Variants in NUP98 observed in about 807,000 individuals in gnomAD.
NUP98 encodes nuclear pore complex protein Nup98-Nup96.
NUP98 carries 26 observed loss-of-function variants against 191.9 expected under a neutral mutation model. The ratio of observed to expected loss-of-function variants is 0.14; its 90% CI spans 0.10 to 0.19. The LOEUF is 0.19. Ranked by LOEUF, NUP98 falls within the 10% of genes least tolerant of loss-of-function variation. The pLI, the probability that NUP98 is intolerant of heterozygous loss-of-function variation, is 1.00. For missense variants in NUP98, 1,941 were observed against 2,178.8 expected (o/e 0.89, Z 2.17); for synonymous variants, 808 against 778.4 (o/e 1.04, Z -0.63).
chr11:3,713,549 T>C (rs1236447896), intron 19 of NUP98, among the ~76,000 whole-genome samples: 1 of 152,148 alleles, frequency 6.6e-6, no homozygotes, highest in Non-Finnish European at 1.5e-5. Flanking sequence ...AGAAACTCGA[T>C]CTTTACAAAC....
intron 29 of NUP98, among the ~76,000 whole-genome samples, chr11:3,683,828 A>G (rs967739829): frequency 2.0e-5 from 3 of 152,186 alleles, no homozygotes; most frequent in Non-Finnish European, 4.4e-5. Context: ...GTGAGCCACC[A>G]CACCTGGCCT....
chr11:3,730,929 G>C (rs1055492307), intron 14 of NUP98, among the ~76,000 whole-genome samples: 1 of 152,190 alleles, frequency 6.6e-6, no homozygotes, highest in Non-Finnish European at 1.5e-5. Context: ...GTGATCGGGT[G>C]ACTTTTATTC....
In NUP98 at chr11:3,741,046, G is replaced by A. The variant is rs754296823; in HGVS notation, c.1408+3463C>T. Among the ~76,000 whole-genome samples, 251 of 151,354 alleles carry A rather than the reference G, an allele frequency of 1.7e-3. 1 individual carries two copies. The highest frequency in any genetic ancestry group is 2.6e-3 in the Non-Finnish European group (177 of 67,812). On this transcript the variant is annotated intron_variant, in intron 12 of 32. Coordinates refer to ENST00000324932, the MANE Select transcript of NUP98 (RefSeq NM_016320.5). Reference sequence around the variant, plus strand: ...CATGTTGGCCAGGCTGGTCTCGAACGCTTGACCTCAAGCAATCCGCCTGCC... The same window carrying A: ...CATGTTGGCCAGGCTGGTCTCGAACACTTGACCTCAAGCAATCCGCCTGCC...
At chr11:3,786,558 T>C (rs2082147266) in intron 1 of NUP98, among the ~76,000 whole-genome samples, 1 of 152,204 alleles carries the variant, frequency 6.6e-6, no homozygotes, top group Non-Finnish European at 1.5e-5. Flanking sequence ...CTGTCCTCTA[T>C]GCTCAAAAAT....
At chr11:3,715,066 T>C (rs1195974879) in intron 18 of NUP98, among the ~76,000 whole-genome samples, 1 of 152,244 alleles carries the variant, frequency 6.6e-6, no homozygotes, top group Non-Finnish European at 1.5e-5. Flanking sequence ...ACCACCATAC[T>C]GTCTTCCACA....
chr11:3,688,820 C>T (rs12798884), intron 28 of NUP98, among the ~76,000 whole-genome samples: 4 of 136,268 alleles, frequency 2.9e-5, no homozygotes, highest in Middle Eastern at 7.6e-3. Flanking sequence ...TTTAAATATA[C>T]ATATATATAT....
chr11:3,684,512 A>G (rs1228769422), intron 29 of NUP98, among the ~76,000 whole-genome samples: 1 of 151,916 alleles, frequency 6.6e-6, no homozygotes, highest in Non-Finnish European at 1.5e-5. Context: ...TCCATAGTCA[A>G]CTCCGAAACA....
chr11:3,707,505 T>C (rs2078894198), intron 20 of NUP98, among the ~76,000 whole-genome samples: 1 of 152,000 alleles, frequency 6.6e-6, no homozygotes, highest in Middle Eastern at 3.4e-3. Flanking sequence ...CTCAGCACTT[T>C]GGGAGGCCGA....
intron 4 of NUP98, among the ~76,000 whole-genome samples, chr11:3,778,198 C>CAAAAA (rs71302029): frequency 1.4e-3 from 84 of 60,110 alleles, no homozygotes; most frequent in South Asian, 2.2e-3. Flanking sequence ...GACTCCATCT[C>CAAAAA]AAAAAAAAAA....
intron 11 of NUP98, among the ~76,000 whole-genome samples, chr11:3,750,659 AT>A (rs2080715332): frequency 6.6e-6 from 1 of 151,796 alleles, no homozygotes; most frequent in South Asian, 2.1e-4. Context: ...ACAGCGTCTC[AT>A]TCTGTTACCC....
chr11:3,706,467 C>T lies in NUP98; in HGVS notation c.2903G>A (p.Gly968Glu). The change falls in exon 21 of 33, where the codon GGA becomes GAA. Residue 968 changes from glycine (G) to glutamate (E), a missense_variant. Coordinates refer to ENST00000324932, the MANE Select transcript of NUP98 (RefSeq NM_016320.5). ...SASTHIASSL[G>E]INPHVLQIMK... is the part of the protein sequence containing the mutation. Reference sequence around the variant, plus strand: ...CACCTGTAAGACATGTGGATTAATTCCCAGTGAAGATGCAATATGTGTTGA... The same window carrying T: ...CACCTGTAAGACATGTGGATTAATTTCCAGTGAAGATGCAATATGTGTTGA... The T allele has an allele frequency of 1.2e-6, 2 of 1,614,034 alleles. No individual in the cohort carries two copies. Among genetic ancestry groups the T allele is most frequent in the Non-Finnish European group, 1.7e-6 (2 of 1,179,984 alleles).
At chr11:3,713,025 CACAG>C (rs1046747111) in intron 19 of NUP98, among the ~76,000 whole-genome samples, 1 of 152,142 alleles carries the variant, frequency 6.6e-6, no homozygotes, top group African/African-American at 2.4e-5. Flanking sequence ...TTATTATTTT[CACAG>C]ACATATATTG....
At chr11:3,766,611 C>T (rs913843639) in intron 8 of NUP98, among the ~76,000 whole-genome samples, 1 of 150,664 alleles carries the variant, frequency 6.6e-6, no homozygotes, top group Non-Finnish European at 1.5e-5. Context: ...ATCCCTTGAA[C>T]CCAGGAGGCA....
rs2078301266 is a variant in NUP98, at chr11:3,691,248, C to A, written c.4454+99G>T. ...ATATTTGGTAGTTTATATGGACTTA[C>A]AGCAATCTGGGGACATATAAAAGGG... On this transcript the variant is annotated intron_variant, in intron 28 of 32. Transcript: ENST00000324932. 3.8e-6 allele frequency: 5 copies of A among 1,309,120 alleles called. No homozygotes were observed. In the Admixed American group the frequency reaches 5.8e-5, roughly 15 times the overall value. 81.1% of individuals were successfully genotyped at this position (1,309,120 alleles called of 1,614,324 possible).
chr11:3,794,617 A>G (rs984363966), intron 1 of NUP98, among the ~76,000 whole-genome samples: 1 of 151,516 alleles, frequency 6.6e-6, no homozygotes, highest in African/African-American at 2.4e-5. Context: ...GTGAACCACC[A>G]CACCACGCCT....
At chr11:3,766,709 A>AAAAAG (rs1554900661) in intron 8 of NUP98, among the ~76,000 whole-genome samples, 1 of 151,588 alleles carries the variant, frequency 6.6e-6, no homozygotes, top group African/African-American at 2.4e-5. Flanking sequence ...AAAAAAAAAA[A>AAAAAG]AGAGAGAAGC....
chr11:3,777,169 TAGC>T (rs1287980172), intron 4 of NUP98, among the ~76,000 whole-genome samples: 1 of 152,168 alleles, frequency 6.6e-6, no homozygotes, highest in African/African-American at 2.4e-5. Flanking sequence ...TCAGAAAAAT[TAGC>T]AGCCACTGTC....
chr11:3,679,174 T>C (rs1163309573), intron 31 of NUP98, among the ~76,000 whole-genome samples: 1 of 145,506 alleles, frequency 6.9e-6, no homozygotes, highest in African/African-American at 2.5e-5. Flanking sequence ...TTAAAACCCA[T>C]ATTTGCAATT....
chr11:3,687,600 A>G (rs563629038), intron 28 of NUP98, among the ~76,000 whole-genome samples: 12 of 152,364 alleles, frequency 7.9e-5, no homozygotes, highest in Middle Eastern at 3.4e-3. Context: ...TTCTTTGAAA[A>G]GGTCAATATG....
Sources: allele counts gnomAD v4.1 joint callset (sites outside exome capture counted in the v4.1 genomes callset), GRCh38; gene constraint gnomAD v4.1.1; transcripts MANE v1.5; gene names NCBI Gene and HGNC (gene_info 2026-07-23, HGNC 2026-07-21).